The following UGT1A7 variants were observed in gnomAD, a reference collection of about 807,000 sequenced individuals.
The protein encoded by UGT1A7 is UDP-glucuronosyltransferase 1A7.
In UGT1A7, 33 loss-of-function variants were observed where a neutral mutation model predicts 45.6. The ratio of observed to expected loss-of-function variants is 0.72; its 90% CI spans 0.55 to 0.97. The LOEUF (loss-of-function observed/expected upper bound fraction) is 0.97, where lower values mean the gene tolerates loss of function less well. UGT1A7 is among the 50% of genes least tolerant of loss of function. The pLI is 0.00. For missense variants in UGT1A7, 684 were observed against 666.2 expected, an observed-to-expected ratio of 1.03 and a Z score of -0.29; for synonymous variants, 274 against 250.6, an observed-to-expected ratio of 1.09 and a Z score of -0.88.
intron 1 of UGT1A7, chr2:233,741,630 C>G (rs1050074339): frequency 1.3e-5 from 2 of 151,896 alleles, no homozygotes; most frequent in African/African-American, 4.9e-5. Flanking sequence ...CCATGAGCCC[C>G]TGTGGGATGG....
At chr2:233,723,288 C>A (rs1349811182) in intron 1 of UGT1A7, among the ~76,000 whole-genome samples, 2 of 115,626 alleles carry the variant, frequency 1.7e-5, no homozygotes, top group Non-Finnish European at 3.4e-5. Flanking sequence ...TGGCTCACTG[C>A]AACCTCTGCC....
rs533404227 is a variant in UGT1A7, at chr2:233,760,412, G to A, written c.856-6622G>A. 5.0e-6 allele frequency: 8 copies of A among 1,614,222 alleles called. No homozygotes were observed. The African/African-American group carries it at 1.1e-4, about 22-fold the overall frequency. Reference sequence around the variant, plus strand: ...CCAGTGGATGGCAGCCACTGGCTGAGCATGCTTGGGGCCATCCAGCAGCTG... The same window carrying A: ...CCAGTGGATGGCAGCCACTGGCTGAACATGCTTGGGGCCATCCAGCAGCTG... On this transcript the variant is annotated intron_variant, in intron 1 of 4. Transcript: ENST00000373426.
intron 1 of UGT1A7, chr2:233,690,841 GT>G: frequency 2.8e-6 from 3 of 1,069,274 alleles, no homozygotes; most frequent in Non-Finnish European, 3.4e-6. Context: ...AAAGAAAAAT[GT>G]TTTCTAATAC....
Position 233,772,885 on chromosome 2 carries a change from A to C in UGT1A7, c.*326A>C. ...GGCCTGTTTGGGAGTGCGGGATTCA[A>C]AGGTGGTCCCACGGCTGCCCCTACT... On this transcript the variant is annotated 3_prime_UTR_variant, in exon 5 of 5. Transcript: ENST00000373426. 1.8e-6 allele frequency: 1 copy of C among 555,428 alleles called. No individual in the cohort carries two copies. Among genetic ancestry groups the C allele is most frequent in the Non-Finnish European group, 2.8e-6 (1 of 357,440 alleles). The allele number at this position is 555,428 out of a possible 1,614,324, so 34.4% of individuals were successfully genotyped here.
intron 1 of UGT1A7, among the ~76,000 whole-genome samples, chr2:233,759,538 A>T (rs1009544779): frequency 6.6e-6 from 1 of 152,036 alleles, no homozygotes. Context: ...TTCTGTTCAC[A>T]TGCGCTCCAG....
At chr2:233,696,193 T>C (rs1686074902) in intron 1 of UGT1A7, among the ~76,000 whole-genome samples, 1 of 152,196 alleles carries the variant, frequency 6.6e-6, no homozygotes, top group Admixed American at 6.5e-5. Context: ...CTATCTGCAC[T>C]CCCATGTTTA....
intron 4 of UGT1A7, 26 bp downstream of exon 4, chr2:233,768,465 C>T: frequency 6.2e-7 from 1 of 1,606,188 alleles, no homozygotes; most frequent in Non-Finnish European, 8.5e-7. Context: ...CAGAAGAATA[C>T]TTTGGTCATG....
chr2:233,724,302 T>C (rs1575551867), intron 1 of UGT1A7, among the ~76,000 whole-genome samples: 2 of 123,390 alleles, frequency 1.6e-5, no homozygotes, highest in Admixed American at 8.1e-5. Flanking sequence ...CCCCCCCACC[T>C]CCCTCCCGGA....
rs2078811947 is a variant in UGT1A7 at position 233,736,813 on chromosome 2, C to T, written c.856-30221C>T. 3.9e-5 allele frequency among the ~76,000 whole-genome samples: 6 copies of T among 152,224 alleles called. No individual in the cohort carries two copies. The South Asian group carries it at 1.2e-3, about 31-fold the overall frequency. Reference sequence around the variant, plus strand: ...TCTGTTGGAGTTTGCTGGAGGTCCACTCCAGATGCTCTTTGCTTTGGTATC... The same window carrying T: ...TCTGTTGGAGTTTGCTGGAGGTCCATTCCAGATGCTCTTTGCTTTGGTATC... On this transcript the variant is annotated intron_variant, in intron 1 of 4. Transcript: ENST00000373426.
chr2:233,693,273 G>A lies in UGT1A7; in HGVS notation c.855+10481G>A, dbSNP rs147761911. ...TATGACCAAGAAGAGCTGAAGAACC[G>A]TTACCAATCATTTGGAAACAATCAC... On this transcript the variant is annotated intron_variant, in intron 1 of 4. Transcript: ENST00000373426. 123 of 1,614,074 alleles carry A rather than the reference G, an allele frequency of 7.6e-5. No individual in the cohort carries two copies. Among genetic ancestry groups the A allele is most frequent in the Middle Eastern group, 3.3e-4 (2 of 6,060 alleles).
chr2:233,743,311 AT>A, intron 1 of UGT1A7: 5 of 650,736 alleles, frequency 7.7e-6, no homozygotes, highest in South Asian at 3.0e-5. Context: ...CTTGGTGGTG[AT>A]TTTTTTACCA....
intron 1 of UGT1A7, among the ~76,000 whole-genome samples, chr2:233,726,748 C>G (rs1270676383): frequency 6.6e-6 from 1 of 152,206 alleles, no homozygotes; most frequent in Non-Finnish European, 1.5e-5. Context: ...GGCTGTGATT[C>G]TGCCTACCAC....
intron 1 of UGT1A7, among the ~76,000 whole-genome samples, chr2:233,724,293 C>T (rs1226718888): frequency 6.7e-5 from 9 of 135,040 alleles, no homozygotes; most frequent in East Asian, 2.4e-4. Context: ...GGGGGCTGAC[C>T]CCCCCACCTC....
intron 1 of UGT1A7, among the ~76,000 whole-genome samples, chr2:233,717,495 T>C (rs979410742): frequency 1.3e-5 from 2 of 152,220 alleles, no homozygotes; most frequent in Admixed American, 6.5e-5. Flanking sequence ...CTGTTATCAA[T>C]GTGGATTTCT....
intron 1 of UGT1A7, among the ~76,000 whole-genome samples, chr2:233,738,670 T>G (rs377285735): frequency 6.6e-6 from 1 of 152,186 alleles, no homozygotes; most frequent in African/African-American, 2.4e-5. Flanking sequence ...TTGAGAGAGA[T>G]GATCTGAAAT....
intron 1 of UGT1A7, chr2:233,691,075 A>T: frequency 1.0e-6 from 1 of 986,258 alleles, no homozygotes; most frequent in Non-Finnish European, 1.2e-6. Flanking sequence ...AAGAATGTGA[A>T]GTTTGTAGCA....
intron 1 of UGT1A7, among the ~76,000 whole-genome samples, chr2:233,732,853 A>C (rs1238557082): frequency 6.7e-6 from 1 of 149,098 alleles, no homozygotes; most frequent in Non-Finnish European, 1.5e-5. Context: ...TTGTGAAGTC[A>C]TTGGTAGCTT....
In UGT1A7 at chr2:233,767,901, T is replaced by C; in HGVS notation, c.1040T>C (p.Ile347Thr). The C allele has an allele frequency of 6.2e-6, 10 of 1,614,218 alleles. No individual in the cohort carries two copies. Among genetic ancestry groups the C allele is most frequent in the Non-Finnish European group, 2.5e-6 (3 of 1,180,042 alleles). Residue 347 changes from isoleucine (I) to threonine (T), a missense_variant, in exon 3 of 5, where the codon ATA becomes ACA. Transcript: ENST00000373426. ...TRPSNLANNT[I>T]LVKWLPQNDL... is the part of the protein sequence containing the mutation. ...CCATCGAATCTTGCGAACAACACGATACTTGTTAAGTGGCTACCCCAAAAC... is the reference window on the plus strand; with the variant it reads ...CCATCGAATCTTGCGAACAACACGACACTTGTTAAGTGGCTACCCCAAAAC...
intron 1 of UGT1A7, chr2:233,690,549 G>A: frequency 7.8e-7 from 1 of 1,289,414 alleles, no homozygotes; most frequent in Non-Finnish European, 1.0e-6. Context: ...ACTGGAATAT[G>A]TCCCAAGCCT....
Sources: allele counts gnomAD v4.1 joint callset (sites outside exome capture counted in the v4.1 genomes callset), GRCh38; gene constraint gnomAD v4.1.1; transcripts MANE v1.5; gene names NCBI Gene and HGNC (gene_info 2026-07-23, HGNC 2026-07-21).